The following TTLL11 variants were observed in gnomAD, a reference collection of about 807,000 sequenced individuals.
TTLL11 encodes the protein tubulin polyglutamylase TTLL11.
Under a neutral mutation model 51.7 loss-of-function variants are expected in TTLL11, and 42 were observed. That is an observed-to-expected ratio of 0.81 (90% CI 0.64 to 1.05). The LOEUF (loss-of-function observed/expected upper bound fraction) is 1.05, where lower values mean the gene tolerates loss of function less well. Ranked by LOEUF, TTLL11 falls within the 50% of genes least tolerant of loss-of-function variation. The pLI, the probability that TTLL11 is intolerant of heterozygous loss-of-function variation, is 0.00. For missense variants in TTLL11, 799 were observed against 940.4 expected (o/e 0.85, Z 1.97); for synonymous variants, 381 against 383.5 (o/e 0.99, Z 0.08).
At chr9:122,008,968 T>C (rs1843727305) in intron 3 of TTLL11, among the ~76,000 whole-genome samples, 1 of 152,224 alleles carries the variant, frequency 6.6e-6, no homozygotes, top group South Asian at 2.1e-4. Flanking sequence ...ATCTCACTTA[T>C]CTGTGGAATC....
intron 3 of TTLL11, among the ~76,000 whole-genome samples, chr9:121,999,097 T>G (rs72765963): frequency 0.047 from 7,082 of 152,278 alleles, 199 homozygotes; most frequent in African/African-American, 0.086. Context: ...TCCCCAGCTA[T>G]CACTGGAAGA....
rs954032141 is a variant in TTLL11 at position 121,911,711 on chromosome 9, T to C, written c.1482-40963A>G. ...ACAAAAAACCAAACACCACGTGTTC[T>C]CACGGGTGGGAGTTGAACAATGAGA... On this transcript the variant is annotated intron_variant, in intron 6 of 8. Coordinates refer to ENST00000321582, the MANE Select transcript of TTLL11 (RefSeq NM_001139442.2). 7.2e-5 allele frequency among the ~76,000 whole-genome samples: 11 copies of C among 152,086 alleles called. No homozygotes were observed. In the East Asian group the frequency reaches 1.9e-3, roughly 27 times the overall value.
At chr9:121,871,253 CA>C (rs996013847) in intron 6 of TTLL11, among the ~76,000 whole-genome samples, 2 of 150,738 alleles carry the variant, frequency 1.3e-5, no homozygotes, top group African/African-American at 4.9e-5. Context: ...GGAATTCATA[CA>C]AAAAATGATT....
chr9:121,975,935 G>T (rs548995576), intron 4 of TTLL11, among the ~76,000 whole-genome samples: 1 of 152,240 alleles, frequency 6.6e-6, no homozygotes, highest in African/African-American at 2.4e-5. Context: ...TCATGACAGC[G>T]TATTTGAAGA....
At chr9:121,945,571 C>A (rs2131590383) in intron 6 of TTLL11, among the ~76,000 whole-genome samples, 1 of 152,336 alleles carries the variant, frequency 6.6e-6, no homozygotes, top group East Asian at 1.9e-4. Context: ...CTTAACCTGG[C>A]ATTCAAGGTC....
intron 1 of TTLL11, among the ~76,000 whole-genome samples, chr9:122,074,827 A>C (rs1845817519): frequency 6.6e-6 from 1 of 151,682 alleles, no homozygotes; most frequent in Non-Finnish European, 1.5e-5. Flanking sequence ...TGAGCCCAGG[A>C]ATTTGATATT....
chr9:121,850,895 G>A (rs560058259), intron 8 of TTLL11, among the ~76,000 whole-genome samples: 171 of 152,294 alleles, frequency 1.1e-3, no homozygotes, highest in Admixed American at 1.7e-3. Context: ...ACGCACGAAT[G>A]TTTATAGTAG....
chr9:122,049,006 C>T (rs995691983), intron 1 of TTLL11, among the ~76,000 whole-genome samples: 2 of 150,688 alleles, frequency 1.3e-5, no homozygotes, highest in Admixed American at 1.3e-4. Flanking sequence ...GAGATTCGTG[C>T]CAGAAAAAAA....
At chr9:122,057,207 C>T (rs1845310423) in intron 1 of TTLL11, among the ~76,000 whole-genome samples, 1 of 152,074 alleles carries the variant, frequency 6.6e-6, no homozygotes, top group African/African-American at 2.4e-5. Flanking sequence ...GAATAAATTC[C>T]CACTACCACT....
intron 4 of TTLL11, among the ~76,000 whole-genome samples, chr9:121,983,246 A>C (rs895580270): frequency 6.6e-6 from 1 of 152,228 alleles, no homozygotes; most frequent in Non-Finnish European, 1.5e-5. Flanking sequence ...TTGTTTACTG[A>C]AACAGTAAAG....
intron 8 of TTLL11, among the ~76,000 whole-genome samples, chr9:121,824,602 A>G (rs1163199926): frequency 6.6e-6 from 1 of 151,744 alleles, no homozygotes; most frequent in Non-Finnish European, 1.5e-5. Flanking sequence ...TTTTTAACTA[A>G]GTTGTTAAAA....
intron 1 of TTLL11, among the ~76,000 whole-genome samples, chr9:122,072,686 C>T (rs890865207): frequency 2.0e-5 from 3 of 152,080 alleles, no homozygotes; most frequent in African/African-American, 4.8e-5. Context: ...CCAGTGTTCT[C>T]GCTTGCCACC....
rs1043277511 is a variant in TTLL11 at position 121,820,347 on chromosome 9, C to T, written c.*2240G>A. Among the ~76,000 whole-genome samples, 3 of 152,174 alleles carry T rather than the reference C, an allele frequency of 2.0e-5. No homozygotes were observed. The East Asian group carries it at 5.8e-4, about 29-fold the overall frequency. ...AGCTTTGTTAAGACTTCTGGTGGCT[C>T]CCAGCTGATGACAAGTGTGCCCAGA... On this transcript the variant is annotated 3_prime_UTR_variant, in exon 9 of 9. Coordinates refer to ENST00000321582, the MANE Select transcript of TTLL11 (RefSeq NM_001139442.2).
Position 121,842,183 on chromosome 9 carries a change from G to A in TTLL11, c.1840+18154C>T, listed in dbSNP as rs986772150. On this transcript the variant is annotated intron_variant, in intron 8 of 8. Coordinates refer to ENST00000321582, the MANE Select transcript of TTLL11 (RefSeq NM_001139442.2). Reference sequence around the variant, plus strand: ...CGGTGCTTCTTCCAATACTTTGCTAGGGTCTCAGAGTCCCTCACATGTAAA... The same window carrying A: ...CGGTGCTTCTTCCAATACTTTGCTAAGGTCTCAGAGTCCCTCACATGTAAA... 3.9e-5 allele frequency among the ~76,000 whole-genome samples: 6 copies of A among 152,258 alleles called. No individual in the cohort carries two copies. In the South Asian group the frequency reaches 1.2e-3, roughly 32 times the overall value.
At chr9:121,891,392 T>C (rs1839225713) in intron 6 of TTLL11, among the ~76,000 whole-genome samples, 2 of 152,170 alleles carry the variant, frequency 1.3e-5, no homozygotes, top group Admixed American at 6.5e-5. Context: ...AGGGCAGGCA[T>C]TTAACACCTA....
intron 6 of TTLL11, among the ~76,000 whole-genome samples, chr9:121,957,848 C>T (rs568176377): frequency 1.3e-5 from 2 of 152,268 alleles, no homozygotes; most frequent in South Asian, 4.1e-4. Context: ...GATGTGTGAA[C>T]TGTAGGGTCT....
At chr9:121,988,851 G>A (rs1229284380) in intron 4 of TTLL11, 2 of 423,436 alleles carry the variant, frequency 4.7e-6, no homozygotes, top group Non-Finnish European at 8.3e-6. Flanking sequence ...ATGTGGCAAA[G>A]GTTGTTGAAT....
chr9:121,826,537 G>GTATA (rs1157615086), intron 8 of TTLL11, among the ~76,000 whole-genome samples: 7,096 of 46,748 alleles, frequency 0.15, 700 homozygotes, highest in East Asian at 0.34. Flanking sequence ...ATGTGTGTGT[G>GTATA]TATATATATA....
chr9:121,816,691 GTGTGCGTGC>G lies in TTLL11; in HGVS notation c.*5887_*5895del, dbSNP rs1836421682. ...GCGTGTGTGCATGCGTGTGCATCGT[GTGTGCGTGC>G]GTGTGTGTGCATGCATGCGCGCGTG... On this transcript the variant is annotated 3_prime_UTR_variant, in exon 9 of 9. Coordinates refer to ENST00000321582, the MANE Select transcript of TTLL11 (RefSeq NM_001139442.2). 6.6e-6 allele frequency: 1 copy of G among 151,986 alleles called. No homozygotes were observed. The highest frequency in any genetic ancestry group is 1.5e-5 in the Non-Finnish European group (1 of 68,042). 9.4% of individuals were successfully genotyped at this position (151,986 alleles called of 1,614,324 possible).
Sources: allele counts gnomAD v4.1 joint callset (sites outside exome capture counted in the v4.1 genomes callset), GRCh38; gene constraint gnomAD v4.1.1; transcripts MANE v1.5; gene names NCBI Gene and HGNC (gene_info 2026-07-23, HGNC 2026-07-21).